The following VSNL1 variants were observed in gnomAD, a reference collection of about 807,000 sequenced individuals.
The protein encoded by VSNL1 is visinin like 1.
In VSNL1, 6 loss-of-function variants were observed where a neutral mutation model predicts 20.4. That is an observed-to-expected ratio of 0.29 (90% CI 0.16 to 0.58). VSNL1 has a LOEUF of 0.58. Ranked by LOEUF, VSNL1 falls within the 20% of genes least tolerant of loss-of-function variation. VSNL1 has a pLI of 0.90. For synonymous variants in VSNL1, 93 were observed against 86.4 expected (o/e 1.08, Z -0.42); for missense variants, 100 against 234.5 (o/e 0.43, Z 3.75).
At chr2:17,585,792 T>C (rs1664458947) in intron 1 of VSNL1, among the ~76,000 whole-genome samples, 1 of 151,972 alleles carries the variant, frequency 6.6e-6, no homozygotes, top group African/African-American at 2.4e-5. Flanking sequence ...TTGTGTGATC[T>C]TGGAATTCTT....
chr2:17,558,967 A>G (rs1207771271), intron 1 of VSNL1, among the ~76,000 whole-genome samples: 2 of 152,168 alleles, frequency 1.3e-5, no homozygotes, highest in Non-Finnish European at 2.9e-5. Context: ...ACTCAGAGGT[A>G]GGCAATCCCT....
At chr2:17,561,973 C>G (rs573140448) in intron 1 of VSNL1, among the ~76,000 whole-genome samples, 1 of 152,284 alleles carries the variant, frequency 6.6e-6, no homozygotes, top group East Asian at 1.9e-4. Context: ...AAATGTGACT[C>G]ACATCAAACT....
rs1447706772 is a variant in VSNL1, at chr2:17,634,994, A to T, written c.163-14416A>T. Among the ~76,000 whole-genome samples, 1 of 152,048 alleles carries T rather than the reference A, an allele frequency of 6.6e-6. No individual in the cohort carries two copies. The highest frequency in any genetic ancestry group is 1.5e-5 in the Non-Finnish European group (1 of 68,004). On this transcript the variant is annotated intron_variant, in intron 2 of 3. Coordinates refer to ENST00000295156, the MANE Select transcript of VSNL1 (RefSeq NM_003385.5). This position sits in a 1 kb window ranked among gnomAD's most constrained non-coding sequence, Gnocchi z 4.3. ...CATACATGTGCACATACATACATACACACTTGGCTCAGGGCACATGAGGGT... is the reference window on the plus strand; with the variant it reads ...CATACATGTGCACATACATACATACTCACTTGGCTCAGGGCACATGAGGGT...
chr2:17,601,474 A>G (rs557217743), intron 2 of VSNL1, among the ~76,000 whole-genome samples: 4 of 151,480 alleles, frequency 2.6e-5, no homozygotes, highest in East Asian at 1.9e-4. Flanking sequence ...TGTCTCTATT[A>G]AAAACACAAA....
chr2:17,598,643 C>A (rs1276034651), intron 2 of VSNL1, among the ~76,000 whole-genome samples: 1 of 152,114 alleles, frequency 6.6e-6, no homozygotes, highest in African/African-American at 2.4e-5. Flanking sequence ...ACACTGAAGT[C>A]GCAAGTAAAA....
At chr2:17,613,189 C>T (rs1166745388) in intron 2 of VSNL1, among the ~76,000 whole-genome samples, 2 of 152,174 alleles carry the variant, frequency 1.3e-5, no homozygotes, top group Non-Finnish European at 2.9e-5. Flanking sequence ...AGGCCAATTT[C>T]AGTGGAACAA....
chr2:17,623,199 T>C (rs769072579), intron 2 of VSNL1, among the ~76,000 whole-genome samples: 11 of 152,202 alleles, frequency 7.2e-5, no homozygotes, highest in Non-Finnish European at 1.2e-4. Context: ...TAATTAAATA[T>C]GAATTTAAAA....
At chr2:17,548,056 C>T (rs62130445) in intron 1 of VSNL1, among the ~76,000 whole-genome samples, 4,464 of 152,140 alleles carry the variant, frequency 0.029, 65 homozygotes, top group Middle Eastern at 0.054. Flanking sequence ...ACCCATTTCG[C>T]GACTAATCAT....
intron 2 of VSNL1, among the ~76,000 whole-genome samples, chr2:17,593,797 A>G (rs753274748): frequency 2.0e-5 from 3 of 152,200 alleles, no homozygotes; most frequent in African/African-American, 7.2e-5. Context: ...GAGAAGTGGG[A>G]TAGTATGTAT....
At chr2:17,543,035 T>G (rs1424811243) in intron 1 of VSNL1, among the ~76,000 whole-genome samples, 5 of 152,256 alleles carry the variant, frequency 3.3e-5, no homozygotes, top group Non-Finnish European at 7.3e-5. Context: ...TGCTGCAGAC[T>G]TCAAATAAAT....
At chr2:17,557,209 G>C (rs1663704627) in intron 1 of VSNL1, among the ~76,000 whole-genome samples, 1 of 152,140 alleles carries the variant, frequency 6.6e-6, no homozygotes, top group African/African-American at 2.4e-5. Context: ...CCTAAAATCA[G>C]AAAATTTGTG....
chr2:17,597,755 TC>T (rs142955432), intron 2 of VSNL1, among the ~76,000 whole-genome samples: 10,020 of 152,266 alleles, frequency 0.066, 335 homozygotes, highest in Middle Eastern at 0.092. Context: ...AGACCCATTT[TC>T]TCTGTGCTTT....
At chr2:17,562,932 C>A (rs1663853389) in intron 1 of VSNL1, among the ~76,000 whole-genome samples, 1 of 152,134 alleles carries the variant, frequency 6.6e-6, no homozygotes, top group Admixed American at 6.5e-5. Flanking sequence ...ACTATCCAAC[C>A]CTACTAGTCT....
intron 1 of VSNL1, among the ~76,000 whole-genome samples, chr2:17,578,236 T>C (rs1664263358): frequency 6.6e-6 from 1 of 152,200 alleles, no homozygotes; most frequent in Non-Finnish European, 1.5e-5. Flanking sequence ...GTTTGTCTAA[T>C]GAGAAGGCCC....
intron 2 of VSNL1, among the ~76,000 whole-genome samples, chr2:17,633,980 G>A (rs537530556): frequency 1.3e-5 from 2 of 152,286 alleles, no homozygotes; most frequent in Non-Finnish European, 2.9e-5. Context: ...ATTTCCCATG[G>A]ATCGGCACCA....
intron 2 of VSNL1, among the ~76,000 whole-genome samples, chr2:17,599,424 T>C (rs4240211): frequency 6.6e-6 from 1 of 152,012 alleles, no homozygotes; most frequent in East Asian, 1.9e-4. Context: ...TTGTGTTGGC[T>C]GGAGGCCCAC....
chr2:17,655,087 G>T lies in VSNL1; in HGVS notation c.379-110G>T. 1 of 1,105,252 alleles carries T rather than the reference G, an allele frequency of 9.0e-7. No homozygotes were observed. The highest frequency in any genetic ancestry group is 1.3e-6 in the Non-Finnish European group (1 of 762,830). The allele number at this position is 1,105,252 out of a possible 1,614,324, so 68.5% of individuals were successfully genotyped here. ...GTGAAACTCCTCTGGGGAAAGGGAA[G>T]CTGAGGCTTGGAGGATGGGTGGGAT... On this transcript the variant is annotated intron_variant, in intron 3 of 3. Coordinates refer to ENST00000295156, the MANE Select transcript of VSNL1 (RefSeq NM_003385.5). This position sits in a 1 kb window ranked among gnomAD's most constrained non-coding sequence, Gnocchi z 5.2.
At chr2:17,572,725 CCA>C (rs1664112034) in intron 1 of VSNL1, among the ~76,000 whole-genome samples, 1 of 152,160 alleles carries the variant, frequency 6.6e-6, no homozygotes, top group South Asian at 2.1e-4. Flanking sequence ...GTTATCCTGC[CCA>C]CCTCAGGCTT....
rs1175723132 is a variant in VSNL1, at chr2:17,655,301, C to T, written c.483C>T (p.Asn161=). The part of the protein sequence containing the change: ...VDKIFSKMDK[N]KDDQITLDEF... ...AGATTTTCAGCAAGATGGATAAGAA[C>T]AAAGATGACCAGATTACACTGGATG... The change falls in exon 4 of 4, where the codon AAC becomes AAT. Residue 161 remains asparagine (N), a synonymous_variant. Transcript: ENST00000295156. The surrounding 1 kb of genome is among the most constrained non-coding windows in gnomAD (Gnocchi z 5.2). 1 of 1,614,088 alleles carries T rather than the reference C, an allele frequency of 6.2e-7. No homozygotes were observed. Among genetic ancestry groups the T allele is most frequent in the Non-Finnish European group, 8.5e-7 (1 of 1,180,018 alleles).
Sources: gnomAD v4.1 joint callset for allele counts (sites outside exome capture counted in the v4.1 genomes callset) on GRCh38, gnomAD v4.1.1 for gene constraint, Gnocchi (gnomAD v3.1) non-coding constraint, MANE v1.5 for transcripts, NCBI Gene and HGNC (gene_info 2026-07-23, HGNC 2026-07-21) for gene names.